HECW1: variants seen among roughly 807,000 people sequenced by gnomAD.
The protein encoded by HECW1 is E3 ubiquitin-protein ligase HECW1.
In HECW1, 61 loss-of-function variants were observed where a neutral mutation model predicts 182.3. That is an observed-to-expected ratio of 0.33 (90% CI 0.27 to 0.41). HECW1 has a LOEUF of 0.41. Among genes scored for constraint, HECW1 ranks in the 10% least tolerant of loss-of-function variants. The pLI is 1.00. For missense variants in HECW1, 1,739 were observed against 2,108.9 expected (o/e 0.82, Z 3.44); for synonymous variants, 859 against 832.6 (o/e 1.03, Z -0.55).
At chr7:43,555,813 T>C (rs2081998839) in intron 29 of HECW1, among the ~76,000 whole-genome samples, 1 of 152,254 alleles carries the variant, frequency 6.6e-6, no homozygotes, top group African/African-American at 2.4e-5. Context: ...CCAAGGGTCT[T>C]TGTTGTTTGC....
At chr7:43,297,463 G>A (rs1806187105) in intron 3 of HECW1, among the ~76,000 whole-genome samples, 1 of 152,230 alleles carries the variant, frequency 6.6e-6, no homozygotes, top group Non-Finnish European at 1.5e-5. Context: ...TGTGTGGCCA[G>A]TAGTCTCTAG....
chr7:43,369,390 G>A (rs868173911), intron 6 of HECW1, among the ~76,000 whole-genome samples: 3 of 152,094 alleles, frequency 2.0e-5, no homozygotes, highest in African/African-American at 4.8e-5. Flanking sequence ...CTCGGGAGGC[G>A]GAGGTTACGG....
Position 43,273,560 on chromosome 7 carries a change from A to C in HECW1, c.27+29628A>C, listed in dbSNP as rs182012238. Among the ~76,000 whole-genome samples the C allele has an allele frequency of 2.5e-3, 384 of 152,340 alleles. 1 individual carries two copies. The highest frequency in any genetic ancestry group is 9.0e-3 in the African/African-American group (373 of 41,594). On this transcript the variant is annotated intron_variant, in intron 3 of 29. Coordinates refer to ENST00000395891, the MANE Select transcript of HECW1 (RefSeq NM_015052.5). Reference sequence around the variant, plus strand: ...TTAAGATATATTTCCTCTTTTACCCATACCTCAATCCCTGATAGATTTGAG... The same window carrying C: ...TTAAGATATATTTCCTCTTTTACCCCTACCTCAATCCCTGATAGATTTGAG...
At chr7:43,407,827 A>G (rs2075662375) in intron 8 of HECW1, 96 bp downstream of exon 8, 2 of 1,096,716 alleles carry the variant, frequency 1.8e-6, no homozygotes. Context: ...GGAGCCCTGG[A>G]CTCTGCTGCT....
At chr7:43,557,144 T>A (rs1338036391) in intron 29 of HECW1, among the ~76,000 whole-genome samples, 1 of 152,178 alleles carries the variant, frequency 6.6e-6, no homozygotes, top group African/African-American at 2.4e-5. Flanking sequence ...TTCCAGAAAC[T>A]GTCGTTCGGG....
At position 43,550,611 on chromosome 7, in the gene HECW1, G is replaced by A. The variant is rs2081777637; in HGVS notation, c.4395+20G>A. 6.3e-7 allele frequency: 1 copy of A among 1,581,896 alleles called. No homozygotes were observed. The highest frequency in any genetic ancestry group is 1.3e-5 in the African/African-American group (1 of 74,252). On this transcript the variant is annotated intron_variant, in intron 27 of 29. Transcript: ENST00000395891. The stretch of plus-strand genomic sequence containing the variant: ...TACGAGGTGAGGCCCGGTGGCCTGG[G>A]GAAGGCAAGCTGTGGCCAGGGTGCT...
intron 6 of HECW1, among the ~76,000 whole-genome samples, chr7:43,361,308 T>C (rs539479272): frequency 1.3e-5 from 2 of 152,338 alleles, no homozygotes; most frequent in Admixed American, 6.5e-5. Flanking sequence ...AGCCTTTTCT[T>C]TGGATCACAT....
chr7:43,286,744 A>G (rs1470666531), intron 3 of HECW1, among the ~76,000 whole-genome samples: 1 of 152,178 alleles, frequency 6.6e-6, no homozygotes, highest in East Asian at 1.9e-4. Flanking sequence ...ACACCTTATA[A>G]CTACTAAAAA....
intron 3 of HECW1, among the ~76,000 whole-genome samples, chr7:43,271,976 G>A (rs777256918): frequency 7.9e-5 from 12 of 151,956 alleles, no homozygotes; most frequent in Admixed American, 3.9e-4. Context: ...AACCAAAACA[G>A]CACAGTACTT....
chr7:43,537,595 GT>G (rs1323892108), intron 24 of HECW1, among the ~76,000 whole-genome samples: 1 of 152,126 alleles, frequency 6.6e-6, no homozygotes, highest in African/African-American at 2.4e-5. Flanking sequence ...ATCAGCTATT[GT>G]TTTATTTTCC....
intron 2 of HECW1, among the ~76,000 whole-genome samples, chr7:43,202,335 T>G (rs1795080905): frequency 1.3e-5 from 2 of 152,196 alleles, no homozygotes; most frequent in Admixed American, 1.3e-4. Context: ...TGCATATTTT[T>G]GGGCACTAAA....
At chr7:43,533,875 C>T (rs2081079926) in intron 24 of HECW1, among the ~76,000 whole-genome samples, 1 of 152,138 alleles carries the variant, frequency 6.6e-6, no homozygotes, top group Non-Finnish European at 1.5e-5. Context: ...TCATGCTGAG[C>T]TGTGATGCAT....
chr7:43,182,965 G>C (rs1002988776), intron 2 of HECW1, among the ~76,000 whole-genome samples: 4 of 151,908 alleles, frequency 2.6e-5, no homozygotes, highest in Non-Finnish European at 5.9e-5. Flanking sequence ...TTGTTTTCTT[G>C]ATTACTTTTT....
At chr7:43,160,269 T>G (rs536634830) in intron 2 of HECW1, among the ~76,000 whole-genome samples, 1 of 152,242 alleles carries the variant, frequency 6.6e-6, no homozygotes, top group African/African-American at 2.4e-5. Context: ...TTCCCCCCAA[T>G]TTGTTGTTTG....
intron 7 of HECW1, among the ~76,000 whole-genome samples, chr7:43,404,583 A>G (rs2075539612): frequency 6.6e-6 from 1 of 152,212 alleles, no homozygotes. Context: ...TGTTTGATAG[A>G]ACAGAACAAA....
At chr7:43,150,744 G>A (rs369402221) in intron 2 of HECW1, among the ~76,000 whole-genome samples, 3 of 152,152 alleles carry the variant, frequency 2.0e-5, no homozygotes, top group African/African-American at 4.8e-5. Flanking sequence ...GTGATCCTCC[G>A]CCCAGTACAG....
intron 3 of HECW1, among the ~76,000 whole-genome samples, chr7:43,303,905 C>T (rs1229176662): frequency 1.3e-5 from 2 of 152,126 alleles, no homozygotes; most frequent in African/African-American, 4.8e-5. Context: ...GTAAGCAGGA[C>T]TCAAATCTCA....
At position 43,438,108 on chromosome 7, in the gene HECW1, A is replaced by G. The variant is rs2076766728; in HGVS notation, c.907A>G (p.Met303Val). Reference protein sequence around the residue: ...IIKRFLGKLSMPVQRLLERHA... With the variant: ...IIKRFLGKLSVPVQRLLERHA... Reference sequence around the variant, plus strand: ...CAAGCGCTTCTTGGGAAAGCTGTCGATGCCCGTTCAAAGACTCCTGGAGAG... The same window carrying G: ...CAAGCGCTTCTTGGGAAAGCTGTCGGTGCCCGTTCAAAGACTCCTGGAGAG... Residue 303 changes from methionine to valine, a missense_variant, in exon 9 of 30, where the codon ATG (methionine) becomes GTG (valine). Around this residue, in one of 5 missense-constraint regions of HECW1, gnomAD observed 66 missense variants for 113.8 expected, o/e 0.58. Transcript: ENST00000395891. 1 of 1,614,160 alleles carries G rather than the reference A, an allele frequency of 6.2e-7. No homozygotes were observed. Among genetic ancestry groups the G allele is most frequent in the Non-Finnish European group, 8.5e-7 (1 of 1,180,022 alleles).
chr7:43,291,204 G>T (rs1251233847), intron 3 of HECW1, among the ~76,000 whole-genome samples: 1 of 152,204 alleles, frequency 6.6e-6, no homozygotes, highest in African/African-American at 2.4e-5. Context: ...GGGTACACCT[G>T]CTAGCAGTCT....
Sources: gnomAD v4.1 joint callset for allele counts (sites outside exome capture counted in the v4.1 genomes callset) on GRCh38, gnomAD v4.1.1 for gene constraint, gnomAD v4.1.1 regional missense constraint, MANE v1.5 for transcripts, NCBI Gene and HGNC (gene_info 2026-07-23, HGNC 2026-07-21) for gene names.